TET1: variants seen among roughly 807,000 people sequenced by gnomAD.
TET1 encodes the protein methylcytosine dioxygenase TET1.
A neutral mutation model predicts 148.7 loss-of-function variants in TET1; 13 were observed. The ratio of observed to expected loss-of-function variants is 0.09; its 90% CI spans 0.06 to 0.14. The LOEUF is 0.14. Among genes scored for constraint, TET1 ranks in the 10% least tolerant of loss-of-function variants. The probability of loss-of-function intolerance (pLI) is 1.00; values close to 1 mark genes in which losing one functional copy is unlikely to be tolerated. For synonymous variants in TET1, 907 were observed against 937.2 expected, an observed-to-expected ratio of 0.97 and a Z score of 0.59; for missense variants, 2,182 against 2,553.8, an observed-to-expected ratio of 0.85 and a Z score of 3.14.
chr10:68,563,021 G>T (rs2053571056), intron 1 of TET1, among the ~76,000 whole-genome samples: 1 of 150,228 alleles, frequency 6.7e-6, no homozygotes, highest in African/African-American at 2.5e-5. Flanking sequence ...TTTCTTTTTG[G>T]GCATTTTCTT....
At chr10:68,618,831 G>C (rs540460981) in intron 3 of TET1, among the ~76,000 whole-genome samples, 1 of 152,314 alleles carries the variant, frequency 6.6e-6, no homozygotes, top group South Asian at 2.1e-4. Context: ...GGCCTGGCCT[G>C]GTAGCAAATG....
At chr10:68,639,448 C>T (rs375122618) in intron 3 of TET1, among the ~76,000 whole-genome samples, 12 of 131,640 alleles carry the variant, frequency 9.1e-5, no homozygotes, top group Admixed American at 3.1e-4. Context: ...ATTATTATTA[C>T]TACTACTACT....
At chr10:68,582,798 G>A (rs2053816049) in intron 2 of TET1, among the ~76,000 whole-genome samples, 2 of 152,284 alleles carry the variant, frequency 1.3e-5, no homozygotes, top group African/African-American at 2.4e-5. Context: ...ATTGAGGGCA[G>A]ATGTTATATG....
At chr10:68,672,088 A>G (rs1233830414) in intron 7 of TET1, among the ~76,000 whole-genome samples, 1 of 152,128 alleles carries the variant, frequency 6.6e-6, no homozygotes, top group African/African-American at 2.4e-5. Context: ...AATCCTTAGA[A>G]AATTATATCC....
intron 8 of TET1, among the ~76,000 whole-genome samples, chr10:68,676,572 C>G (rs1031517437): frequency 3.3e-5 from 5 of 151,878 alleles, no homozygotes. Context: ...CCGTGCCTGA[C>G]CTGGCCATTT....
chr10:68,669,764 C>T (rs936102376), intron 7 of TET1, among the ~76,000 whole-genome samples: 2 of 151,852 alleles, frequency 1.3e-5, no homozygotes, highest in Non-Finnish European at 2.9e-5. Flanking sequence ...GTTTTCCTGC[C>T]TCAGCCTCCC....
chr10:68,680,496 C>T (rs753623328), intron 8 of TET1, among the ~76,000 whole-genome samples: 5 of 152,220 alleles, frequency 3.3e-5, no homozygotes, highest in South Asian at 2.1e-4. Context: ...AAGTATACTC[C>T]GTCACGGCCA....
chr10:68,573,760 A>T lies in TET1; in HGVS notation c.1422A>T (p.Gly474=). ...TACAGATTTTGCCTTTGGGCTCAGGACACACTCCTCAATCATCATCAAACT... is the reference window on the plus strand; with the variant it reads ...TACAGATTTTGCCTTTGGGCTCAGGTCACACTCCTCAATCATCATCAAACT... ...GAIQILPLGS[G]HTPQSSSNSE... Residue 474 remains glycine, a synonymous_variant, in exon 2 of 12, where the codon GGA becomes GGT. Coordinates refer to ENST00000373644, the MANE Select transcript of TET1 (RefSeq NM_030625.3). 1 of 1,614,112 alleles carries T rather than the reference A, an allele frequency of 6.2e-7. No individual in the cohort carries two copies. The highest frequency in any genetic ancestry group is 1.1e-5 in the South Asian group (1 of 91,084).
At chr10:68,611,633 A>AGG (rs2054211726) in intron 3 of TET1, among the ~76,000 whole-genome samples, 1 of 150,038 alleles carries the variant, frequency 6.7e-6, no homozygotes, top group Admixed American at 6.7e-5. Flanking sequence ...GCCTAGGCCA[A>AGG]TTGTCAGAGA....
At chr10:68,605,271 G>A (rs562066405) in intron 3 of TET1, among the ~76,000 whole-genome samples, 294 of 152,192 alleles carry the variant, frequency 1.9e-3, no homozygotes, top group African/African-American at 6.7e-3. Context: ...TTGGGTGTTC[G>A]AGACCAGCCT....
intron 3 of TET1, among the ~76,000 whole-genome samples, chr10:68,603,960 TG>T (rs1378592429): frequency 6.6e-6 from 1 of 152,036 alleles, no homozygotes; most frequent in Non-Finnish European, 1.5e-5. Context: ...TAGTGGTGGG[TG>T]GGGGTAGCTC....
chr10:68,615,871 T>C (rs1244376520), intron 3 of TET1, among the ~76,000 whole-genome samples: 1 of 152,126 alleles, frequency 6.6e-6, no homozygotes, highest in African/African-American at 2.4e-5. Flanking sequence ...GGTCTCGAAC[T>C]CCCGACCTCA....
chr10:68,651,570 G>T (rs1393557992), intron 4 of TET1, among the ~76,000 whole-genome samples: 1 of 151,800 alleles, frequency 6.6e-6, no homozygotes. Flanking sequence ...TTTTAAGCAG[G>T]AGATAGGAGT....
At chr10:68,617,310 C>T (rs1017077537) in intron 3 of TET1, among the ~76,000 whole-genome samples, 1 of 151,958 alleles carries the variant, frequency 6.6e-6, no homozygotes, top group Non-Finnish European at 1.5e-5. Context: ...AGGCGTTAGC[C>T]ACCGCGCCTG....
At chr10:68,659,840 T>C (rs1190804664) in intron 6 of TET1, among the ~76,000 whole-genome samples, 4 of 152,182 alleles carry the variant, frequency 2.6e-5, no homozygotes, top group African/African-American at 9.7e-5. Flanking sequence ...AGTGGCCAGA[T>C]CAAGACATTA....
intron 1 of TET1, among the ~76,000 whole-genome samples, 172 bp downstream of exon 1, chr10:68,560,914 C>T (rs1416170294): frequency 2.0e-5 from 3 of 152,158 alleles, no homozygotes; most frequent in Non-Finnish European, 4.4e-5. Context: ...CTCGACCCCC[C>T]ACCCCGGGAC....
intron 2 of TET1, among the ~76,000 whole-genome samples, chr10:68,585,350 T>C (rs868363562): frequency 2.6e-4 from 39 of 152,102 alleles, no homozygotes; most frequent in Middle Eastern, 3.4e-3. Flanking sequence ...ACCAGGGTGG[T>C]CTTGAACTCC....
chr10:68,638,136 G>C (rs73278561), intron 3 of TET1, among the ~76,000 whole-genome samples: 2,268 of 152,258 alleles, frequency 0.015, 45 homozygotes, highest in African/African-American at 0.052. Context: ...ACTGGGCACT[G>C]TATGGTGGTT....
chr10:68,644,421 G>A (rs945174530), intron 3 of TET1, among the ~76,000 whole-genome samples: 2 of 152,014 alleles, frequency 1.3e-5, no homozygotes, highest in East Asian at 1.9e-4. Flanking sequence ...GCTCAGGCTG[G>A]TCTTGAATTC....
Sources: gnomAD v4.1 joint callset for allele counts (sites outside exome capture counted in the v4.1 genomes callset) on GRCh38, gnomAD v4.1.1 for gene constraint, MANE v1.5 for transcripts, NCBI Gene and HGNC (gene_info 2026-07-23, HGNC 2026-07-21) for gene names.